DUSP13B: variants seen among roughly 807,000 people sequenced by gnomAD.
DUSP13B encodes dual specificity protein phosphatase 13B.
the DUSP13B span, among the ~76,000 whole-genome samples, chr10:75,102,965 T>A: frequency 6.6e-6 from 1 of 151,816 alleles, no homozygotes; most frequent in Non-Finnish European, 1.5e-5. Flanking sequence ...AAAAAAACAT[T>A]AGCTGGTTGT....
the DUSP13B span, chr10:75,104,171 G>T: frequency 1.2e-5 from 13 of 1,125,804 alleles, no homozygotes; most frequent in Non-Finnish European, 1.5e-5. Context: ...GTTGGGGCAG[G>T]GATAAGAGCT....
At chr10:75,097,877 G>A in the DUSP13B span, 1 of 1,604,890 alleles carries the variant, frequency 6.2e-7, no homozygotes. Context: ...CTTCTGCAGT[G>A]AGTCCATCCT....
the DUSP13B span, chr10:75,103,998 T>G: frequency 7.4e-7 from 1 of 1,355,458 alleles, no homozygotes; most frequent in Non-Finnish European, 9.8e-7. Context: ...TCCACCATCT[T>G]CTGTGTGTCC....
At chr10:75,094,899 G>A in the DUSP13B span, 1 of 1,611,034 alleles carries the variant, frequency 6.2e-7, no homozygotes, top group Non-Finnish European at 8.5e-7. Flanking sequence ...AACCAACTTA[G>A]CATCAGCTAC....
the DUSP13B span, among the ~76,000 whole-genome samples, chr10:75,104,868 G>A: frequency 5.9e-5 from 9 of 151,988 alleles, no homozygotes; most frequent in African/African-American, 2.2e-4. Context: ...TATGCCTTCA[G>A]AGACAGGAAC....
the DUSP13B span, chr10:75,104,123 ACAGG>A: frequency 7.6e-7 from 1 of 1,318,094 alleles, no homozygotes; most frequent in South Asian, 1.2e-5. Context: ...GCTCTGTGTT[ACAGG>A]CAGGTGAACC....
chr10:75,094,877 G>A, the DUSP13B span: 2 of 1,613,810 alleles, frequency 1.2e-6, no homozygotes, highest in Non-Finnish European at 1.7e-6. Context: ...CCAGCACGCG[G>A]CCTGTAGGGA....
chr10:75,105,634 A>T, the DUSP13B span: 1 of 1,542,058 alleles, frequency 6.5e-7, no homozygotes, highest in Non-Finnish European at 8.8e-7. Flanking sequence ...GGCCAACCAC[A>T]TCCAGCTTTG....
chr10:75,104,009 G>A, the DUSP13B span: 25 of 1,358,396 alleles, frequency 1.8e-5, no homozygotes, highest in Admixed American at 1.6e-4. Context: ...CTGTGTGTCC[G>A]CCTGGGCCAG....
the DUSP13B span, among the ~76,000 whole-genome samples, chr10:75,101,542 T>C: frequency 6.6e-6 from 1 of 152,172 alleles, no homozygotes; most frequent in Non-Finnish European, 1.5e-5. Context: ...AGCTAGGTGC[T>C]CACATTTTCT....
At chr10:75,097,013 A>C in the DUSP13B span, among the ~76,000 whole-genome samples, 1 of 152,208 alleles carries the variant, frequency 6.6e-6, no homozygotes, top group Admixed American at 6.5e-5. Flanking sequence ...GGTGAAACTA[A>C]CTACACTGTT....
At chr10:75,095,537 A>G in the DUSP13B span, 3 of 1,582,714 alleles carry the variant, frequency 1.9e-6, no homozygotes, top group Non-Finnish European at 2.6e-6. Context: ...CCTAAAGCAC[A>G]CCCTCCACCC....
the DUSP13B span, among the ~76,000 whole-genome samples, chr10:75,106,466 A>AC: frequency 8.0e-4 from 122 of 152,260 alleles, no homozygotes; most frequent in South Asian, 7.7e-3. Flanking sequence ...TTTGGCTGAG[A>AC]CACGGCTTCC....
At chr10:75,100,414 C>T in the DUSP13B span, among the ~76,000 whole-genome samples, 2 of 152,156 alleles carry the variant, frequency 1.3e-5, no homozygotes, top group Non-Finnish European at 2.9e-5. Context: ...GAGTCAGGCC[C>T]GGCCACCCCC....
At chr10:75,099,860 T>G in the DUSP13B span, 1 of 157,968 alleles carries the variant, frequency 6.3e-6, no homozygotes, top group Non-Finnish European at 1.4e-5. Context: ...CTAGGGATGC[T>G]GGACTTAATT....
chr10:75,102,131 A>C, the DUSP13B span, among the ~76,000 whole-genome samples: 1 of 152,254 alleles, frequency 6.6e-6, no homozygotes, highest in Admixed American at 6.5e-5. Context: ...CTAAGAATCA[A>C]GGCAGCTCAG....
chr10:75,103,281 C>T, the DUSP13B span, among the ~76,000 whole-genome samples: 19 of 152,344 alleles, frequency 1.2e-4, no homozygotes, highest in South Asian at 3.5e-3. Context: ...GGGCCAAGGC[C>T]GATGGGACAG....
chr10:75,103,822 A>C, the DUSP13B span: 1 of 1,185,006 alleles, frequency 8.4e-7, no homozygotes, highest in Non-Finnish European at 1.1e-6. Context: ...TCCCCTCCCC[A>C]CTTTCCCAGG....
the DUSP13B span, chr10:75,095,851 C>T: frequency 1.9e-6 from 3 of 1,563,482 alleles, no homozygotes; most frequent in Non-Finnish European, 2.6e-6. Context: ...ACTGTGGCAG[C>T]TCTGGCTGGG....
Sources: allele counts gnomAD v4.1 joint callset (sites outside exome capture counted in the v4.1 genomes callset), GRCh38; gene constraint gnomAD v4.1.1; transcripts MANE v1.5; gene names NCBI Gene and HGNC (gene_info 2026-07-23, HGNC 2026-07-21).